FRMD4B: variants seen among roughly 807,000 people sequenced by gnomAD.
FRMD4B encodes FERM domain-containing protein 4B.
A neutral mutation model predicts 141.5 loss-of-function variants in FRMD4B; 74 were observed. That is an observed-to-expected ratio of 0.52 (90% CI 0.43 to 0.63). FRMD4B has a LOEUF of 0.63. FRMD4B is among the 30% of genes least tolerant of loss of function. The probability of loss-of-function intolerance (pLI) is 0.00; values close to 1 mark genes in which losing one functional copy is unlikely to be tolerated. For missense variants in FRMD4B, 1,366 were observed against 1,253.4 expected (o/e 1.09, Z -1.36); for synonymous variants, 506 against 467.9 (o/e 1.08, Z -1.05).
chr3:69,256,536 T>G (rs2093494103), intron 5 of FRMD4B, among the ~76,000 whole-genome samples: 2 of 152,160 alleles, frequency 1.3e-5, no homozygotes, highest in South Asian at 4.1e-4. Context: ...GCCAGGCTGG[T>G]CTCGAACTCC....
intron 2 of FRMD4B, among the ~76,000 whole-genome samples, chr3:69,428,625 C>G (rs186886361): frequency 4.6e-5 from 7 of 151,988 alleles, no homozygotes; most frequent in African/African-American, 1.4e-4. Flanking sequence ...ACTATTAACA[C>G]TTTTTCTTTG....
intron 1 of FRMD4B, among the ~76,000 whole-genome samples, chr3:69,449,239 C>G (rs539960256): frequency 6.6e-6 from 1 of 152,270 alleles, no homozygotes; most frequent in South Asian, 2.1e-4. Flanking sequence ...TAAGTTTAGA[C>G]TAGATAACCA....
At chr3:69,487,534 T>G (rs1290107237) in intron 1 of FRMD4B, among the ~76,000 whole-genome samples, 1 of 152,108 alleles carries the variant, frequency 6.6e-6, no homozygotes, top group Non-Finnish European at 1.5e-5. Context: ...GGAGGACTGG[T>G]GGAGGCAGGA....
At chr3:69,191,552 A>G (rs2092837615) in intron 17 of FRMD4B, among the ~76,000 whole-genome samples, 2 of 7,868 alleles carry the variant, frequency 2.5e-4, no homozygotes, top group South Asian at 0.2. Context: ...CTAGGCAAAT[A>G]TAATCCTCAA....
intron 17 of FRMD4B, among the ~76,000 whole-genome samples, chr3:69,193,128 A>G (rs901106435): frequency 1.3e-5 from 2 of 152,120 alleles, no homozygotes; most frequent in African/African-American, 4.8e-5. Flanking sequence ...TGCTGCCCAT[A>G]TCTTTAAATA....
At chr3:69,212,590 T>A (rs1338123244) in intron 11 of FRMD4B, among the ~76,000 whole-genome samples, 1 of 152,066 alleles carries the variant, frequency 6.6e-6, no homozygotes, top group Non-Finnish European at 1.5e-5. Context: ...CCAATTTCTA[T>A]GAAACTGTGA....
upstream of FRMD4B, among the ~76,000 whole-genome samples, chr3:69,387,925 G>T (rs1258157275): frequency 6.7e-6 from 1 of 150,164 alleles, no homozygotes; most frequent in African/African-American, 2.5e-5. Context: ...AGTATTGATG[G>T]TTTTTTTTTC....
chr3:69,314,527 CA>C (rs34513769), intron 1 of FRMD4B, among the ~76,000 whole-genome samples: 2,748 of 125,530 alleles, frequency 0.022, 61 homozygotes, highest in African/African-American at 0.077. Flanking sequence ...GACTCTGTCT[CA>C]AAAAAAAAAA....
At chr3:69,536,016 G>A in intron 1 of FRMD4B, 1 of 396,518 alleles carries the variant, frequency 2.5e-6, no homozygotes, top group South Asian at 2.1e-5. Context: ...GCTGGCACTG[G>A]AAGGGACCTG....
At chr3:69,505,477 A>T (rs1706581386) in intron 1 of FRMD4B, among the ~76,000 whole-genome samples, 1 of 152,240 alleles carries the variant, frequency 6.6e-6, no homozygotes, top group Non-Finnish European at 1.5e-5. Context: ...CTTAAGTGTG[A>T]CATTAATGAA....
intron 1 of FRMD4B, among the ~76,000 whole-genome samples, chr3:69,455,387 C>G (rs992186787): frequency 2.0e-5 from 3 of 152,192 alleles, no homozygotes; most frequent in Admixed American, 2.0e-4. Context: ...GTAACACTCA[C>G]GGCAAAGGTC....
chr3:69,439,942 T>C (rs959853015), intron 1 of FRMD4B, among the ~76,000 whole-genome samples: 1 of 152,206 alleles, frequency 6.6e-6, no homozygotes, highest in Non-Finnish European at 1.5e-5. Context: ...TAAATTTCCC[T>C]TTTTGATTTG....
chr3:69,290,220 T>C (rs36064035), intron 4 of FRMD4B, among the ~76,000 whole-genome samples: 27,312 of 152,102 alleles, frequency 0.18, 2,655 homozygotes, highest in Non-Finnish European at 0.21. Context: ...ACTCAACAGA[T>C]GCTTTTTATA....
At chr3:69,193,321 C>A (rs531171088) in intron 17 of FRMD4B, among the ~76,000 whole-genome samples, 2 of 152,176 alleles carry the variant, frequency 1.3e-5, no homozygotes, top group African/African-American at 4.8e-5. Context: ...CCAGCCTGAC[C>A]GAGATGGTGA....
chr3:69,528,272 A>ACCTTCCTTCCTTCCTTTTCTT (rs1559554181), intron 1 of FRMD4B, among the ~76,000 whole-genome samples: 2 of 118,492 alleles, frequency 1.7e-5, no homozygotes, highest in Admixed American at 1.9e-4. Context: ...CTTCCTTCCT[A>ACCTTCCTTCCTTCCTTTTCTT]CCTTCCTTCC....
intron 1 of FRMD4B, among the ~76,000 whole-genome samples, chr3:69,339,374 C>G (rs1034417667): frequency 5.9e-5 from 9 of 152,154 alleles, no homozygotes; most frequent in Non-Finnish European, 8.8e-5. Flanking sequence ...CTAACTCTGA[C>G]ACTAGCCGGT....
intron 2 of FRMD4B, among the ~76,000 whole-genome samples, chr3:69,406,901 T>G (rs1704659103): frequency 9.3e-6 from 1 of 107,420 alleles, no homozygotes; most frequent in South Asian, 4.0e-4. Flanking sequence ...CCAGTTAATT[T>G]TTAATTTTAA....
rs569701115 is a variant in FRMD4B at position 69,346,062 on chromosome 3, G to T, written c.163-32545C>A. On this transcript the variant is annotated intron_variant, in intron 1 of 22. Transcript: ENST00000398540. ...CTAAAGGAGGAAGTTTGAACCCATCGCAAAGAAGCTAAAATCCCTGAAAAA... is the reference window on the plus strand; with the variant it reads ...CTAAAGGAGGAAGTTTGAACCCATCTCAAAGAAGCTAAAATCCCTGAAAAA... 3.9e-4 allele frequency among the ~76,000 whole-genome samples: 60 copies of T among 152,184 alleles called. 1 individual carries two copies. Among genetic ancestry groups the T allele is most frequent in the Middle Eastern group, 6.8e-3 (2 of 294 alleles).
intron 1 of FRMD4B, among the ~76,000 whole-genome samples, chr3:69,479,809 CTT>C (rs1458864808): frequency 6.6e-6 from 1 of 152,214 alleles, no homozygotes; most frequent in Non-Finnish European, 1.5e-5. Flanking sequence ...TGTTTTCCAA[CTT>C]GGTTCCATTC....
Sources: gnomAD v4.1 joint callset for allele counts (sites outside exome capture counted in the v4.1 genomes callset) on GRCh38, gnomAD v4.1.1 for gene constraint, MANE v1.5 for transcripts, NCBI Gene and HGNC (gene_info 2026-07-23, HGNC 2026-07-21) for gene names.